The following LRMDA variants were observed in gnomAD, a reference collection of about 807,000 sequenced individuals.
The protein encoded by LRMDA is leucine rich melanocyte differentiation associated.
A neutral mutation model predicts 29.8 loss-of-function variants in LRMDA; 18 were observed. That is an observed-to-expected ratio of 0.60 (90% CI 0.42 to 0.90). LRMDA has a LOEUF of 0.90. LRMDA is among the 40% of genes least tolerant of loss of function. The pLI, the probability that LRMDA is intolerant of heterozygous loss-of-function variation, is 0.00. For missense variants in LRMDA, 273 were observed against 273.9 expected (o/e 1.00, Z 0.02); for synonymous variants, 125 against 109.4 (o/e 1.14, Z -0.89).
intron 4 of LRMDA, among the ~76,000 whole-genome samples, chr10:76,050,133 T>G (rs1359869454): frequency 1.3e-5 from 2 of 152,218 alleles, no homozygotes; most frequent in Non-Finnish European, 1.5e-5. Context: ...GTGTGTCTGT[T>G]GTTTCATTTC....
intron 2 of LRMDA, among the ~76,000 whole-genome samples, chr10:75,510,091 C>T (rs189294243): frequency 6.6e-6 from 1 of 152,344 alleles, no homozygotes; most frequent in African/African-American, 2.4e-5. Flanking sequence ...TTGAGATAAT[C>T]ACTGAGCTTT....
At chr10:75,434,783 C>T (rs1844246117) in intron 1 of LRMDA, among the ~76,000 whole-genome samples, 1 of 152,208 alleles carries the variant, frequency 6.6e-6, no homozygotes. Flanking sequence ...GAGGATCTCC[C>T]ACCCCTGGCT....
chr10:76,340,929 G>T (rs910096557), intron 6 of LRMDA, among the ~76,000 whole-genome samples: 1 of 152,080 alleles, frequency 6.6e-6, no homozygotes, highest in Admixed American at 6.6e-5. Context: ...CAATTACTCA[G>T]TTTTGCCCTA....
chr10:76,332,567 A>C (rs905022113), intron 6 of LRMDA, among the ~76,000 whole-genome samples: 8 of 152,218 alleles, frequency 5.3e-5, no homozygotes, highest in Non-Finnish European at 1.2e-4. Context: ...TCAGAATGAC[A>C]ACTCTTCCCC....
chr10:76,274,762 G>T (rs1247466), intron 5 of LRMDA, among the ~76,000 whole-genome samples: 3 of 151,928 alleles, frequency 2.0e-5, no homozygotes, highest in African/African-American at 7.3e-5. Context: ...ATATTGGAGC[G>T]GTTTTTACAA....
Position 76,091,758 on chromosome 10 carries a change from T to A in LRMDA, c.516+32975T>A, listed in dbSNP as rs1287966993. On this transcript the variant is annotated intron_variant, in intron 5 of 6. Coordinates refer to ENST00000611255, the MANE Select transcript of LRMDA (RefSeq NM_001305581.2). ...GCTAGAGTACAGTGGTGATCATGGTTCATTGTAACCTCAAACTCCTGGGCT... is the reference window on the plus strand; with the variant it reads ...GCTAGAGTACAGTGGTGATCATGGTACATTGTAACCTCAAACTCCTGGGCT... 2.0e-5 allele frequency among the ~76,000 whole-genome samples: 3 copies of A among 152,150 alleles called. No homozygotes were observed. The East Asian group carries it at 5.8e-4, about 29-fold the overall frequency.
chr10:76,329,587 A>G (rs149030270), intron 6 of LRMDA, among the ~76,000 whole-genome samples: 158 of 152,358 alleles, frequency 1.0e-3, no homozygotes, highest in Middle Eastern at 6.8e-3. Flanking sequence ...CAATCTTGCC[A>G]TTATTTTTAT....
chr10:75,762,540 C>G (rs995296823), intron 2 of LRMDA, among the ~76,000 whole-genome samples: 1 of 152,222 alleles, frequency 6.6e-6, no homozygotes, highest in African/African-American at 2.4e-5. Flanking sequence ...GAGTCACATT[C>G]ACCTTGTAAA....
At position 75,639,225 on chromosome 10, in the gene LRMDA, A is replaced by G. The variant is rs370427665; in HGVS notation, c.131+200731A>G. Reference sequence around the variant, plus strand: ...CTTCAGATTAAATGTATTTGTGGGTATATCAGTCACCCAAACAAGGCATTT... The same window carrying G: ...CTTCAGATTAAATGTATTTGTGGGTGTATCAGTCACCCAAACAAGGCATTT... On this transcript the variant is annotated intron_variant, in intron 2 of 6. Transcript: ENST00000611255. Among the ~76,000 whole-genome samples, 51 of 152,344 alleles carry G rather than the reference A, an allele frequency of 3.3e-4. No homozygotes were observed. In the East Asian group the frequency reaches 8.9e-3, roughly 27 times the overall value.
intron 5 of LRMDA, among the ~76,000 whole-genome samples, chr10:76,062,012 G>A (rs182922480): frequency 6.6e-6 from 1 of 152,176 alleles, no homozygotes; most frequent in Non-Finnish European, 1.5e-5. Flanking sequence ...TCCCATGCAG[G>A]TGTGTATACC....
intron 5 of LRMDA, among the ~76,000 whole-genome samples, chr10:76,147,267 T>A (rs1850343405): frequency 1.3e-5 from 2 of 152,166 alleles, no homozygotes; most frequent in African/African-American, 2.4e-5. Context: ...CTGGATAATA[T>A]CCTGCAGAGT....
At chr10:76,090,659 T>C (rs539007924) in intron 5 of LRMDA, among the ~76,000 whole-genome samples, 127 of 152,288 alleles carry the variant, frequency 8.3e-4, no homozygotes, top group African/African-American at 2.9e-3. Flanking sequence ...AGAAACAACA[T>C]GTGGTCAGTA....
At chr10:75,657,577 G>C (rs1398079884) in intron 2 of LRMDA, among the ~76,000 whole-genome samples, 3 of 152,158 alleles carry the variant, frequency 2.0e-5, no homozygotes, top group African/African-American at 7.2e-5. Context: ...TTACATAACT[G>C]CTTTCTCAGT....
At chr10:75,773,912 T>G (rs1392339087) in intron 2 of LRMDA, among the ~76,000 whole-genome samples, 1 of 152,224 alleles carries the variant, frequency 6.6e-6, no homozygotes, top group Admixed American at 6.5e-5. Context: ...TATTCACATC[T>G]TGTGTGTTTC....
At chr10:76,289,330 G>C (rs1185450320) in intron 5 of LRMDA, among the ~76,000 whole-genome samples, 2 of 152,108 alleles carry the variant, frequency 1.3e-5, no homozygotes, top group Non-Finnish European at 2.9e-5. Flanking sequence ...GACACCCTAA[G>C]TTGTACCTGC....
chr10:75,524,725 G>A (rs911308472), intron 2 of LRMDA, among the ~76,000 whole-genome samples: 16 of 152,154 alleles, frequency 1.1e-4, no homozygotes, highest in African/African-American at 3.9e-4. Flanking sequence ...TGAATAAACA[G>A]GAAATTGGGG....
intron 5 of LRMDA, among the ~76,000 whole-genome samples, chr10:76,231,473 GGTGCTGGGTATT>G (rs1472336177): frequency 6.6e-6 from 1 of 152,198 alleles, no homozygotes; most frequent in African/African-American, 2.4e-5. Flanking sequence ...GACCCAAGGA[GGTGCTGGGTATT>G]GTGATTCTCC....
chr10:75,738,924 C>T (rs751693456), intron 2 of LRMDA, among the ~76,000 whole-genome samples: 3 of 152,086 alleles, frequency 2.0e-5, no homozygotes, highest in Non-Finnish European at 2.9e-5. Context: ...TTTCTGGTTA[C>T]ATTTTTCTCG....
In LRMDA at chr10:75,488,175, G is replaced by A. The variant is rs192315458; in HGVS notation, c.131+49681G>A. ...TATTGCTGAATTGTGTCTCTCAGTG[G>A]AGGTTCTTAGAGGCTTTTCAACAAA... On this transcript the variant is annotated intron_variant, in intron 2 of 6. Transcript: ENST00000611255. Among the ~76,000 whole-genome samples the A allele has an allele frequency of 3.3e-5, 5 of 152,296 alleles. No homozygotes were observed. The East Asian group carries it at 9.6e-4, about 29-fold the overall frequency.
Sources: gnomAD v4.1 joint callset for allele counts (sites outside exome capture counted in the v4.1 genomes callset) on GRCh38, gnomAD v4.1.1 for gene constraint, MANE v1.5 for transcripts, NCBI Gene and HGNC (gene_info 2026-07-23, HGNC 2026-07-21) for gene names.